CNN2: variants seen among roughly 807,000 people sequenced by gnomAD.
CNN2 encodes calponin-2.
CNN2 carries 21 observed loss-of-function variants against 31.0 expected under a neutral mutation model. That is an observed-to-expected ratio of 0.68 (90% CI 0.48 to 0.98). The LOEUF (loss-of-function observed/expected upper bound fraction) is 0.98, where lower values mean the gene tolerates loss of function less well. Ranked by LOEUF, CNN2 falls within the 50% of genes least tolerant of loss-of-function variation. The pLI, the probability that CNN2 is intolerant of heterozygous loss-of-function variation, is 0.00. For synonymous variants in CNN2, 165 were observed against 179.6 expected (o/e 0.92, Z 0.65); for missense variants, 399 against 427.3 (o/e 0.93, Z 0.58).
rs776191474 is a variant in CNN2 at position 1,037,938 on chromosome 19, T to C, written c.*38T>C. On this transcript the variant is annotated 3_prime_UTR_variant, in exon 7 of 7. Coordinates refer to ENST00000263097, the MANE Select transcript of CNN2 (RefSeq NM_004368.4). ...GCTCTCTCCCCACATCGTCTGCCCATCTGGGTTTTTGGGTTTTTCTGTGTT... is the reference window on the plus strand; with the variant it reads ...GCTCTCTCCCCACATCGTCTGCCCACCTGGGTTTTTGGGTTTTTCTGTGTT... The C allele has an allele frequency of 2.1e-6, 3 of 1,432,540 alleles. No individual in the cohort carries two copies. The African/African-American group carries it at 6.0e-5, about 29-fold the overall frequency. 88.7% of individuals were successfully genotyped at this position (1,432,540 alleles called of 1,614,324 possible). A position where few individuals can be genotyped will look rare whatever the true frequency, so the allele number is the denominator to read the frequency against.
At position 1,038,222 on chromosome 19, in the gene CNN2, G is replaced by C; in HGVS notation, c.*322G>C. ...AAGGAACCGGTCCCCGACGGTTTCT[G>C]CTTGCCTCGCCTCTTCCCCCTTTTG... is the stretch of plus-strand genomic sequence containing the variant. On this transcript the variant is annotated 3_prime_UTR_variant, in exon 7 of 7. Coordinates refer to ENST00000263097, the MANE Select transcript of CNN2 (RefSeq NM_004368.4). 1 of 322,098 alleles carries C rather than the reference G, an allele frequency of 3.1e-6. No individual in the cohort carries two copies. The highest frequency in any genetic ancestry group is 5.7e-6 in the Non-Finnish European group (1 of 176,178). 20.0% of individuals were successfully genotyped at this position (322,098 alleles called of 1,614,324 possible).
intron 1 of CNN2, chr19:1,026,953 C>T (rs1325637547): frequency 4.0e-6 from 2 of 499,606 alleles, no homozygotes; most frequent in Non-Finnish European, 7.1e-6. Context: ...GGACGAGTGA[C>T]CCATTCCCCC....
chr19:1,037,542 G>T, intron 6 of CNN2, 83 bp from the exon 7 acceptor site: 1 of 1,539,366 alleles, frequency 6.5e-7, no homozygotes, highest in East Asian at 2.3e-5. Context: ...AAAGTGCTGG[G>T]ATTACAGGCG....
At chr19:1,035,432 T>G (rs527248958) in intron 4 of CNN2, among the ~76,000 whole-genome samples, 12 of 152,102 alleles carry the variant, frequency 7.9e-5, no homozygotes, top group Non-Finnish European at 1.5e-4. Context: ...TGGGGAATGG[T>G]GGTCAGGGAG....
At chr19:1,028,705 G>A (rs1599505446) in intron 1 of CNN2, among the ~76,000 whole-genome samples, 1 of 152,228 alleles carries the variant, frequency 6.6e-6, no homozygotes, top group South Asian at 2.1e-4. Context: ...GCAGCGGGGG[G>A]GCGGGGGTGG....
intron 1 of CNN2, among the ~76,000 whole-genome samples, chr19:1,027,282 G>C (rs917740695): frequency 6.6e-6 from 1 of 152,252 alleles, no homozygotes; most frequent in Non-Finnish European, 1.5e-5. Flanking sequence ...TAGCCGCTTT[G>C]CACGGTCTTT....
At chr19:1,032,511 G>T (rs1236136582) in intron 3 of CNN2, 48 bp from the exon 4 acceptor site, 1 of 1,613,440 alleles carries the variant, frequency 6.2e-7, no homozygotes, top group African/African-American at 1.3e-5. Flanking sequence ...CATCTAACAG[G>T]TGGGGAGACT....
intron 1 of CNN2, among the ~76,000 whole-genome samples, chr19:1,028,546 C>A (rs1459723472): frequency 5.3e-5 from 8 of 152,336 alleles, no homozygotes; most frequent in Non-Finnish European, 1.2e-4. Flanking sequence ...GGCACGGAGG[C>A]AGCTCGGATC....
chr19:1,030,353 G>A (rs560769357), intron 1 of CNN2, among the ~76,000 whole-genome samples: 3 of 152,310 alleles, frequency 2.0e-5, no homozygotes, highest in East Asian at 1.9e-4. Context: ...GGGGCCGGGC[G>A]CGGTGGCTCA....
Position 1,036,207 on chromosome 19 carries a change from T to A in CNN2, c.468T>A (p.Asp156Glu). 1 of 1,568,352 alleles carries A rather than the reference T, an allele frequency of 6.4e-7. No homozygotes were observed. Reference protein sequence around the residue: ...YSEKQERNFDDATMKAGQCVI... With the variant: ...YSEKQERNFDEATMKAGQCVI... ...AGAAGCAGGAGCGGAATTTCGACGATGCCACCATGAAGGCTGGCCAGTGCG... is the reference window on the plus strand; with the variant it reads ...AGAAGCAGGAGCGGAATTTCGACGAAGCCACCATGAAGGCTGGCCAGTGCG... The change falls in exon 5 of 7, where the codon GAT (aspartate) becomes GAA (glutamate). Residue 156 changes from aspartate to glutamate, a missense_variant. By Grantham distance (45) the Asp-to-Glu change is conservative. Transcript: ENST00000263097.
At chr19:1,026,820 A>G (rs905014794) in intron 1 of CNN2, 96 bp downstream of exon 1, 5 of 1,254,346 alleles carry the variant, frequency 4.0e-6, no homozygotes, top group Non-Finnish European at 5.4e-6. Flanking sequence ...CCTCCCGGGC[A>G]GGGAGCTTGG....
intron 4 of CNN2, 77 bp downstream of exon 4, chr19:1,032,773 G>A: frequency 8.5e-7 from 1 of 1,175,182 alleles, no homozygotes; most frequent in Non-Finnish European, 1.2e-6. Context: ...TCACTCGTTT[G>A]CAAATTTCTG....
At chr19:1,030,510 CAG>C (rs935478992) in intron 1 of CNN2, among the ~76,000 whole-genome samples, 3 of 152,104 alleles carry the variant, frequency 2.0e-5, no homozygotes, top group Non-Finnish European at 2.9e-5. Context: ...CCTGCAGTCC[CAG>C]CTACTCGGGA....
At chr19:1,029,242 G>T (rs548941760) in intron 1 of CNN2, among the ~76,000 whole-genome samples, 1 of 87,426 alleles carries the variant, frequency 1.1e-5, no homozygotes, top group South Asian at 3.7e-4. Context: ...TCCCAGGCAG[G>T]TCCAGCTCAG....
Position 1,037,969 on chromosome 19 carries a change from C to CGT in CNN2, c.*69_*70insGT. ...TTTTTGGGTTTTTCTGTGTTTTCAT[C>CGT]TTTTTTTTTTTTTTCTTAACCCGTT... On this transcript the variant is annotated 3_prime_UTR_variant, in exon 7 of 7. Transcript: ENST00000263097. 1.7e-6 allele frequency: 2 copies of CGT among 1,192,972 alleles called. No individual in the cohort carries two copies. Among genetic ancestry groups the CGT allele is most frequent in the Non-Finnish European group, 2.3e-6 (2 of 881,084 alleles). 73.9% of individuals were successfully genotyped at this position (1,192,972 alleles called of 1,614,324 possible). A position where few individuals can be genotyped will look rare whatever the true frequency, so the allele number is the denominator to read the frequency against.
At chr19:1,031,302 GCC>G in intron 2 of CNN2, 110 bp downstream of exon 2, 1 of 464,708 alleles carries the variant, frequency 2.2e-6, no homozygotes, top group Non-Finnish European at 2.9e-6. Context: ...CCTGGCTCAT[GCC>G]TGTAATCCCA....
chr19:1,029,969 G>A (rs1210704278), intron 1 of CNN2, among the ~76,000 whole-genome samples: 1 of 152,124 alleles, frequency 6.6e-6, no homozygotes, highest in Non-Finnish European at 1.5e-5. Flanking sequence ...AAAGTGCTGG[G>A]ATTGTAGGTG....
At chr19:1,026,789 AGCCCCCAGGC>A (rs1321078621) in intron 1 of CNN2, 65 bp downstream of exon 1, 1 of 1,472,454 alleles carries the variant, frequency 6.8e-7, no homozygotes, top group Non-Finnish European at 9.1e-7. Context: ...CCGGTGCAGG[AGCCCCCAGGC>A]GCCCCCGGCA....
Position 1,036,460 on chromosome 19 carries a change from C to T in CNN2, c.552C>T (p.Tyr184=), listed in dbSNP as rs756194817. The T allele has an allele frequency of 1.6e-5, 26 of 1,611,626 alleles. No homozygotes were observed. The highest frequency in any genetic ancestry group is 1.6e-4 in the Middle Eastern group (1 of 6,082). Residue 184 remains tyrosine, a synonymous_variant, in exon 6 of 7, where the codon TAC becomes TAT. Coordinates refer to ENST00000263097, the MANE Select transcript of CNN2 (RefSeq NM_004368.4). ...KCASQSGMTA[Y]GTRRHLYDPK... ...CCAGCCAGTCGGGCATGACTGCCTACGGCACGAGAAGGCATCTCTATGACC... is the reference window on the plus strand; with the variant it reads ...CCAGCCAGTCGGGCATGACTGCCTATGGCACGAGAAGGCATCTCTATGACC...
Sources: allele counts gnomAD v4.1 joint callset (sites outside exome capture counted in the v4.1 genomes callset), GRCh38; gene constraint gnomAD v4.1.1; transcripts MANE v1.5; gene names NCBI Gene and HGNC (gene_info 2026-07-23, HGNC 2026-07-21).